Variants in SLC12A8 observed in about 807,000 individuals in gnomAD.
The protein encoded by SLC12A8 is cation-chloride cotransporter 9.
In SLC12A8, 69 loss-of-function variants were observed where a neutral mutation model predicts 75.6. That is an observed-to-expected ratio of 0.91 (90% CI 0.75 to 1.11). SLC12A8 has a LOEUF of 1.11. SLC12A8 is among the 50% of genes most tolerant of loss of function. The pLI is 0.00. For synonymous variants in SLC12A8, 365 were observed against 372.8 expected, an observed-to-expected ratio of 0.98 and a Z score of 0.24; for missense variants, 877 against 896.7, an observed-to-expected ratio of 0.98 and a Z score of 0.28.
intron 5 of SLC12A8, among the ~76,000 whole-genome samples, chr3:125,169,974 TAGAA>T (rs78287960): frequency 0.15 from 22,707 of 148,662 alleles, 1,993 homozygotes; most frequent in East Asian, 0.21. Flanking sequence ...ATAGGGAAAA[TAGAA>T]AGCAAAAACA....
chr3:125,205,294 G>A (rs1935205016), intron 2 of SLC12A8, among the ~76,000 whole-genome samples: 1 of 152,206 alleles, frequency 6.6e-6, no homozygotes, highest in South Asian at 2.1e-4. Flanking sequence ...GTAAGTAACA[G>A]AAATCTTTCA....
At chr3:125,139,663 C>A (rs1933580571) in intron 5 of SLC12A8, among the ~76,000 whole-genome samples, 1 of 152,162 alleles carries the variant, frequency 6.6e-6, no homozygotes, top group Admixed American at 6.5e-5. Context: ...AGAGTGGGTG[C>A]CCAGGGGAGG....
intron 2 of SLC12A8, among the ~76,000 whole-genome samples, chr3:125,191,989 T>C (rs962496503): frequency 6.6e-6 from 1 of 152,188 alleles, no homozygotes; most frequent in African/African-American, 2.4e-5. Context: ...ACAAAGACTC[T>C]GCCAATCTAG....
rs200565283 is a variant in SLC12A8 at position 125,083,923 on chromosome 3, G to A, written c.2112C>T (p.Leu704=). Residue 704 remains leucine, a synonymous_variant, in exon 14 of 14, where the codon CTC becomes CTT. Transcript: ENST00000469902. ...ATRDRYHHSS[L]VNREQLMPHY is the part of the protein sequence containing the mutation. Reference sequence around the variant, plus strand: ...GAGGCATCAGCTGCTCCCGGTTCACGAGGGAGGAGTGGTGGTAGCGATCCC... The same window carrying A: ...GAGGCATCAGCTGCTCCCGGTTCACAAGGGAGGAGTGGTGGTAGCGATCCC... 7.1e-5 allele frequency: 115 copies of A among 1,613,432 alleles called. 1 individual carries two copies. In the Middle Eastern group the frequency reaches 1.2e-3, roughly 16 times the overall value.
chr3:125,095,016 C>T (rs1376755037), intron 10 of SLC12A8, among the ~76,000 whole-genome samples: 1 of 152,190 alleles, frequency 6.6e-6, no homozygotes, highest in African/African-American at 2.4e-5. Flanking sequence ...TGGCTCGCCT[C>T]CTCCTTCCAA....
chr3:125,154,483 A>C (rs1934002447), intron 5 of SLC12A8, among the ~76,000 whole-genome samples: 1 of 152,202 alleles, frequency 6.6e-6, no homozygotes, highest in Admixed American at 6.5e-5. Context: ...GGGACTCCAT[A>C]GATAGGATAT....
intron 2 of SLC12A8, among the ~76,000 whole-genome samples, chr3:125,208,775 CACACACACACACACACAG>C (rs1560087631): frequency 5.4e-5 from 7 of 129,524 alleles, no homozygotes; most frequent in South Asian, 2.9e-4. Context: ...CACACACACA[CACACACACACACACACAG>C]AGAGAGAGAG....
At position 125,092,115 on chromosome 3, in the gene SLC12A8, C is replaced by G; in HGVS notation, c.1789G>C (p.Val597Leu). The G allele has an allele frequency of 6.2e-7, 1 of 1,611,926 alleles. No homozygotes were observed. ...AAGTTACTCACCCCCAACAGGGAGA[C>G]CCAGGGGTTGCACATGTGGGTATAG... Reference protein sequence around the residue: ...SFYTHMCNPWVSLLGAVGSLL... With the variant: ...SFYTHMCNPWLSLLGAVGSLL... The change falls in exon 11 of 14, where the codon GTC (valine) becomes CTC (leucine). Residue 597 changes from valine (V) to leucine (L), a missense_variant. By Grantham distance (32) the Val-to-Leu change is conservative (BLOSUM62 1). Coordinates refer to ENST00000469902, the MANE Select transcript of SLC12A8 (RefSeq NM_024628.6).
At position 125,088,373 on chromosome 3, in the gene SLC12A8, G is replaced by T; in HGVS notation, c.1922-3C>A. 1.2e-6 allele frequency: 2 copies of T among 1,614,108 alleles called. No individual in the cohort carries two copies. Among genetic ancestry groups the T allele is most frequent in the Non-Finnish European group, 1.7e-6 (2 of 1,179,974 alleles). On this transcript the variant is annotated splice_region_variant and splice_polypyrimidine_tract_variant and intron_variant, in intron 12 of 13. Transcript: ENST00000469902. ...AAAGCTGAAGTTGGAGGCTGATCCTGCAGGGAAGACATATACATAACCATT... is the reference window on the plus strand; with the variant it reads ...AAAGCTGAAGTTGGAGGCTGATCCTTCAGGGAAGACATATACATAACCATT...
At chr3:125,095,390 T>G (rs147010197) in intron 10 of SLC12A8, among the ~76,000 whole-genome samples, 86 of 152,358 alleles carry the variant, frequency 5.6e-4, no homozygotes, top group African/African-American at 2.0e-3. Flanking sequence ...AAACCTTGTT[T>G]ATTCTACTAT....
At chr3:125,176,052 A>G (rs950455790) in intron 5 of SLC12A8, among the ~76,000 whole-genome samples, 1 of 147,124 alleles carries the variant, frequency 6.8e-6, no homozygotes, top group African/African-American at 2.4e-5. Context: ...TGCCAACCGA[A>G]TGCTGACCTT....
chr3:125,135,629 C>G, intron 6 of SLC12A8, 40 bp downstream of exon 6: 1 of 1,343,980 alleles, frequency 7.4e-7, no homozygotes, highest in Non-Finnish European at 1.0e-6. Flanking sequence ...AGAATGTATA[C>G]CCCTAATTTG....
chr3:125,182,888 C>T (rs974847894), intron 4 of SLC12A8, among the ~76,000 whole-genome samples: 1 of 152,100 alleles, frequency 6.6e-6, no homozygotes, highest in Non-Finnish European at 1.5e-5. Flanking sequence ...GGGAAATGTT[C>T]CAAAAGAGAA....
chr3:125,211,215 T>C, intron 2 of SLC12A8, 84 bp downstream of exon 2: 1 of 1,114,740 alleles, frequency 9.0e-7, no homozygotes, highest in East Asian at 2.3e-5. Flanking sequence ...AAGGGTGCGC[T>C]GTAATGTTTG....
At chr3:125,129,942 G>C (rs1933311549) in intron 6 of SLC12A8, among the ~76,000 whole-genome samples, 1 of 152,140 alleles carries the variant, frequency 6.6e-6, no homozygotes, top group African/African-American at 2.4e-5. Flanking sequence ...TCAGCTTCGT[G>C]ACCTCTGTCG....
intron 6 of SLC12A8, among the ~76,000 whole-genome samples, chr3:125,133,899 G>C (rs1933424347): frequency 6.6e-6 from 1 of 151,944 alleles, no homozygotes; most frequent in Non-Finnish European, 1.5e-5. Flanking sequence ...TCCCCCCAAA[G>C]TTTCCTTCTG....
intron 5 of SLC12A8, among the ~76,000 whole-genome samples, chr3:125,142,059 TCG>T (rs1239008301): frequency 1.3e-5 from 2 of 152,084 alleles, no homozygotes; most frequent in East Asian, 3.9e-4. Flanking sequence ...GCACCCGGCC[TCG>T]CGCGCCGCCT....
rs200646050 is a variant in SLC12A8 at position 125,083,721 on chromosome 3, C to CA, written c.*168dup. The CA allele has an allele frequency of 0.085, 47,440 of 558,852 alleles. 59 individuals are homozygous for CA. Among genetic ancestry groups the CA allele is most frequent in the Middle Eastern group, 0.097 (185 of 1,900 alleles). The allele number at this position is 558,852 out of a possible 1,614,324, so 34.6% of individuals were successfully genotyped here. A position where few individuals can be genotyped will look rare whatever the true frequency, so the allele number is the denominator to read the frequency against. On this transcript the variant is annotated 3_prime_UTR_variant, in exon 14 of 14. Transcript: ENST00000469902. ...TGGGTGACAGGGCGAGACTCTGTCT[C>CA]AAAAAAAAAAAAAAAGGGAAAAGAA...
intron 7 of SLC12A8, chr3:125,119,187 G>T (rs1932984717): frequency 6.0e-6 from 1 of 166,864 alleles, no homozygotes; most frequent in African/African-American, 2.4e-5. Context: ...TGTATGTACT[G>T]CTGAAGTGAG....
Sources: gnomAD v4.1 joint callset for allele counts (sites outside exome capture counted in the v4.1 genomes callset) on GRCh38, gnomAD v4.1.1 for gene constraint, MANE v1.5 for transcripts, NCBI Gene and HGNC (gene_info 2026-07-23, HGNC 2026-07-21) for gene names.